UNC5D: variants seen among roughly 807,000 people sequenced by gnomAD.
UNC5D encodes unc-5 netrin receptor D.
A neutral mutation model predicts 105.4 loss-of-function variants in UNC5D; 39 were observed. That is an observed-to-expected ratio of 0.37 (90% CI 0.29 to 0.48). The LOEUF is 0.48. UNC5D is among the 20% of genes least tolerant of loss of function. The pLI, the probability that UNC5D is intolerant of heterozygous loss-of-function variation, is 0.98. For missense variants in UNC5D, 991 were observed against 1,202.4 expected (o/e 0.82, Z 2.60); for synonymous variants, 452 against 450.4 (o/e 1.00, Z -0.04).
chr8:35,705,918 C>T lies in UNC5D; in HGVS notation c.1085-11C>T, dbSNP rs768671311. ...AATGCAACTTTCTTTTTCTTTCTTT[C>T]TTTCTTTTAGATAAAAAACCTCTTC... On this transcript the variant is annotated splice_polypyrimidine_tract_variant and intron_variant, in intron 7 of 16. Coordinates refer to ENST00000404895, the MANE Select transcript of UNC5D (RefSeq NM_080872.4). The T allele has an allele frequency of 7.5e-7, 1 of 1,324,788 alleles. No homozygotes were observed. Among genetic ancestry groups the T allele is most frequent in the African/African-American group, 1.5e-5 (1 of 68,264 alleles). The allele number at this position is 1,324,788 out of a possible 1,614,324, so 82.1% of individuals were successfully genotyped here. A position where few individuals can be genotyped will look rare whatever the true frequency, so the allele number is the denominator to read the frequency against.
At chr8:35,459,204 T>G (rs569631163) in intron 1 of UNC5D, among the ~76,000 whole-genome samples, 1 of 152,278 alleles carries the variant, frequency 6.6e-6, no homozygotes, top group East Asian at 1.9e-4. Flanking sequence ...TCTGGCTCCT[T>G]AAGGATTAAC....
At chr8:35,615,022 CA>C in intron 4 of UNC5D, among the ~76,000 whole-genome samples, 1 of 127,278 alleles carries the variant, frequency 7.9e-6, no homozygotes, top group Non-Finnish European at 1.6e-5. Context: ...CCAGCCTGGG[CA>C]ACATAGTGAG....
At chr8:35,669,609 G>A (rs554650517) in intron 4 of UNC5D, among the ~76,000 whole-genome samples, 79 of 152,044 alleles carry the variant, frequency 5.2e-4, no homozygotes, top group African/African-American at 1.7e-3. Flanking sequence ...TTGTTACAGT[G>A]TCCCAATGAC....
chr8:35,671,042 G>C (rs973944181), intron 4 of UNC5D, among the ~76,000 whole-genome samples: 5 of 152,072 alleles, frequency 3.3e-5, no homozygotes, highest in Non-Finnish European at 7.4e-5. Context: ...CCATCAATAT[G>C]TATAAAATGT....
intron 1 of UNC5D, among the ~76,000 whole-genome samples, chr8:35,426,651 T>A (rs951375690): frequency 7.2e-5 from 11 of 152,232 alleles, no homozygotes; most frequent in Non-Finnish European, 1.3e-4. Context: ...ATCTTTTATT[T>A]GTACAGTTAC....
At chr8:35,549,595 C>T (rs1815954912) in intron 2 of UNC5D, 85 bp downstream of exon 2, 3 of 1,274,376 alleles carry the variant, frequency 2.4e-6, no homozygotes, top group Admixed American at 2.1e-5. Flanking sequence ...CTGGAAATCA[C>T]CCCCCATTGC....
At chr8:35,343,443 T>C (rs541686991) in intron 1 of UNC5D, among the ~76,000 whole-genome samples, 2 of 152,150 alleles carry the variant, frequency 1.3e-5, no homozygotes, top group Non-Finnish European at 2.9e-5. Flanking sequence ...AATACTTTCA[T>C]TGTATGATAC....
At position 35,278,989 on chromosome 8, in the gene UNC5D, G is replaced by A. The variant is rs535636951; in HGVS notation, c.103+43102G>A. ...GGTGCCAGTTATTGTCACCAGTAAT[G>A]AGTGATTATCTACCCTAAGAAAGAG... is the stretch of plus-strand genomic sequence containing the variant. On this transcript the variant is annotated intron_variant, in intron 1 of 16. Coordinates refer to ENST00000404895, the MANE Select transcript of UNC5D (RefSeq NM_080872.4). Among the ~76,000 whole-genome samples, 335 of 152,260 alleles carry A rather than the reference G, an allele frequency of 2.2e-3. 2 individuals are homozygous for A. Among genetic ancestry groups the A allele is most frequent in the African/African-American group, 7.8e-3 (325 of 41,552 alleles).
At chr8:35,298,122 G>A (rs1036961210) in intron 1 of UNC5D, among the ~76,000 whole-genome samples, 1 of 152,148 alleles carries the variant, frequency 6.6e-6, no homozygotes, top group Non-Finnish European at 1.5e-5. Flanking sequence ...CAAGTCCTGG[G>A]AGCAGCAGCT....
chr8:35,496,593 G>A (rs764710398), intron 1 of UNC5D, among the ~76,000 whole-genome samples: 1 of 152,102 alleles, frequency 6.6e-6, no homozygotes, highest in African/African-American at 2.4e-5. Context: ...GGAGTCACGC[G>A]TCACTCCTAC....
chr8:35,670,942 A>G (rs1006765239), intron 4 of UNC5D, among the ~76,000 whole-genome samples: 4 of 152,012 alleles, frequency 2.6e-5, no homozygotes, highest in African/African-American at 9.6e-5. Flanking sequence ...TTTAGATGAT[A>G]AAAACATAGT....
chr8:35,554,511 A>C (rs1470333705), intron 2 of UNC5D, among the ~76,000 whole-genome samples: 2 of 152,218 alleles, frequency 1.3e-5, no homozygotes, highest in Non-Finnish European at 2.9e-5. Flanking sequence ...ATCTCAACCC[A>C]GGAATCATAC....
chr8:35,351,600 C>G (rs989036669), intron 1 of UNC5D, among the ~76,000 whole-genome samples: 1 of 151,938 alleles, frequency 6.6e-6, no homozygotes, highest in African/African-American at 2.4e-5. Context: ...TGCATAAAGA[C>G]TGAGGATTAT....
At chr8:35,251,686 G>T (rs1396595211) in intron 1 of UNC5D, among the ~76,000 whole-genome samples, 1 of 152,168 alleles carries the variant, frequency 6.6e-6, no homozygotes, top group Non-Finnish European at 1.5e-5. Flanking sequence ...TTGTGGACAA[G>T]AACATAGGGG....
chr8:35,441,623 C>T (rs1807408955), intron 1 of UNC5D, among the ~76,000 whole-genome samples: 1 of 151,678 alleles, frequency 6.6e-6, no homozygotes, highest in Non-Finnish European at 1.5e-5. Flanking sequence ...GTATGTTAGA[C>T]GTGGGTCACT....
chr8:35,388,096 G>A (rs1053175687), intron 1 of UNC5D, among the ~76,000 whole-genome samples: 4 of 152,042 alleles, frequency 2.6e-5, no homozygotes, highest in Non-Finnish European at 5.9e-5. Flanking sequence ...AGTCTTGGTG[G>A]GGTGCGGTGG....
At chr8:35,441,248 T>C (rs1271928862) in intron 1 of UNC5D, among the ~76,000 whole-genome samples, 1 of 151,960 alleles carries the variant, frequency 6.6e-6, no homozygotes, top group East Asian at 1.9e-4. Context: ...TTCAATTACC[T>C]GCATTCAACT....
chr8:35,444,516 A>C (rs1353740382), intron 1 of UNC5D, among the ~76,000 whole-genome samples: 1 of 152,040 alleles, frequency 6.6e-6, no homozygotes, highest in Non-Finnish European at 1.5e-5. Flanking sequence ...GCATGATGGC[A>C]TATACCATGC....
At chr8:35,759,166 T>C (rs563492859) in intron 13 of UNC5D, among the ~76,000 whole-genome samples, 154 bp from the exon 14 acceptor site, 3 of 152,364 alleles carry the variant, frequency 2.0e-5, no homozygotes, top group Admixed American at 6.5e-5. Context: ...TTGAACTTTA[T>C]GGACTATGGA....
Sources: allele counts gnomAD v4.1 joint callset (sites outside exome capture counted in the v4.1 genomes callset), GRCh38; gene constraint gnomAD v4.1.1; transcripts MANE v1.5; gene names NCBI Gene and HGNC (gene_info 2026-07-23, HGNC 2026-07-21).